The following RYR2 variants were observed in gnomAD, a reference collection of about 807,000 sequenced individuals.
RYR2 encodes the protein cardiac muscle ryanodine receptor-calcium release channel.
Under a neutral mutation model 601.1 loss-of-function variants are expected in RYR2, and 227 were observed. The ratio of observed to expected loss-of-function variants is 0.38; its 90% CI spans 0.34 to 0.42. The LOEUF (loss-of-function observed/expected upper bound fraction) is 0.42, where lower values mean the gene tolerates loss of function less well. Ranked by LOEUF, RYR2 falls within the 10% of genes least tolerant of loss-of-function variation. The probability of loss-of-function intolerance (pLI) is 1.00; values close to 1 mark genes in which losing one functional copy is unlikely to be tolerated. For synonymous variants in RYR2, 2,223 were observed against 2,175.1 expected, an observed-to-expected ratio of 1.02 and a Z score of -0.61; for missense variants, 4,646 against 6,156.5, an observed-to-expected ratio of 0.75 and a Z score of 8.21.
intron 1 of RYR2, among the ~76,000 whole-genome samples, chr1:237,228,013 G>A (rs754429319): frequency 6.6e-6 from 1 of 151,508 alleles, no homozygotes; most frequent in Non-Finnish European, 1.5e-5. Flanking sequence ...GGAACATGTG[G>A]TATTTGGTTA....
intron 87 of RYR2, among the ~76,000 whole-genome samples, chr1:237,778,410 T>A (rs374205581): frequency 7.5e-6 from 1 of 133,394 alleles, no homozygotes; most frequent in South Asian, 2.4e-4. Flanking sequence ...AAAAAAAAAA[T>A]GATTCACAGA....
chr1:237,081,275 T>C (rs1308407139), intron 1 of RYR2, among the ~76,000 whole-genome samples: 1 of 46,814 alleles, frequency 2.1e-5, no homozygotes, highest in Non-Finnish European at 5.1e-5. Flanking sequence ...AAACTTAGAG[T>C]ATAATAAAAA....
intron 2 of RYR2, among the ~76,000 whole-genome samples, chr1:237,272,665 G>C (rs923753953): frequency 2.0e-5 from 3 of 150,134 alleles, no homozygotes; most frequent in Non-Finnish European, 4.4e-5. Context: ...ATAAGAAGCA[G>C]AATAATATCT....
intron 16 of RYR2, among the ~76,000 whole-genome samples, chr1:237,465,420 C>T (rs1400428124): frequency 6.6e-6 from 1 of 151,916 alleles, no homozygotes; most frequent in African/African-American, 2.4e-5. Context: ...GTGATGTGTG[C>T]TTTGATATCA....
chr1:237,611,032 G>GATTA (rs1677802746), intron 36 of RYR2, 44 bp downstream of exon 36: 1 of 1,549,470 alleles, frequency 6.5e-7, no homozygotes. Context: ...GGACGCTTGG[G>GATTA]ATTAGCCTGC....
At chr1:237,615,652 A>G (rs1453363929) in intron 37 of RYR2, among the ~76,000 whole-genome samples, 2 of 152,110 alleles carry the variant, frequency 1.3e-5, no homozygotes, top group Non-Finnish European at 2.9e-5. Flanking sequence ...GTCAGCGTTG[A>G]CTGAAGCCTT....
At chr1:237,704,953 A>G (rs946543103) in intron 66 of RYR2, among the ~76,000 whole-genome samples, 4 of 152,214 alleles carry the variant, frequency 2.6e-5, no homozygotes, top group Admixed American at 2.0e-4. Flanking sequence ...TTAATGAAAT[A>G]AAAGGACTAG....
At chr1:237,485,380 A>G (rs1452456171) in intron 17 of RYR2, among the ~76,000 whole-genome samples, 3 of 152,218 alleles carry the variant, frequency 2.0e-5, no homozygotes, top group Middle Eastern at 3.2e-3. Flanking sequence ...GCTGGGTGAC[A>G]AGGAGGCAAA....
chr1:237,825,296 G>C (rs1205954531), intron 101 of RYR2, among the ~76,000 whole-genome samples: 5 of 152,258 alleles, frequency 3.3e-5, no homozygotes, highest in African/African-American at 1.2e-4. Flanking sequence ...AAAAGAGTAT[G>C]GTATTGGTAT....
intron 97 of RYR2, among the ~76,000 whole-genome samples, chr1:237,798,799 C>T (rs1027071166): frequency 3.4e-5 from 4 of 119,136 alleles, no homozygotes; most frequent in African/African-American, 1.3e-4. Context: ...CACACACACA[C>T]ACATATAGTG....
chr1:237,505,611 T>C (rs755447233), intron 22 of RYR2, among the ~76,000 whole-genome samples: 1 of 152,216 alleles, frequency 6.6e-6, no homozygotes, highest in Admixed American at 6.5e-5. Context: ...AAAAAAGATT[T>C]GGGAGACTAG....
At chr1:237,420,715 T>C (rs866325879) in intron 11 of RYR2, among the ~76,000 whole-genome samples, 1 of 152,196 alleles carries the variant, frequency 6.6e-6, no homozygotes, top group Non-Finnish European at 1.5e-5. Context: ...TTCTATTGAA[T>C]AGAACTGAGC....
At chr1:237,787,907 T>C (rs1657851207) in intron 91 of RYR2, 81 bp from the exon 92 acceptor site, 1 of 1,312,618 alleles carries the variant, frequency 7.6e-7, no homozygotes, top group Non-Finnish European at 1.1e-6. Context: ...AAAATATTTG[T>C]TCACTTGGGT....
rs1331034958 is a variant in RYR2, at chr1:237,042,509, G to A, written c.-13G>A. 9 of 1,251,080 alleles carry A rather than the reference G, an allele frequency of 7.2e-6. No individual in the cohort carries two copies. The South Asian group carries it at 1.6e-4, about 23-fold the overall frequency. 77.5% of individuals were successfully genotyped at this position (1,251,080 alleles called of 1,614,324 possible). A position where few individuals can be genotyped will look rare whatever the true frequency, so the allele number is the denominator to read the frequency against. On this transcript the variant is annotated 5_prime_UTR_variant, in exon 1 of 105. Coordinates refer to ENST00000366574, the MANE Select transcript of RYR2 (RefSeq NM_001035.3). ...GGGCTCGGGAGCCGGCCCCGGCGAG[G>A]AGGCGCGGAACCATGGCCGATGGGG... is the stretch of plus-strand genomic sequence containing the variant.
At chr1:237,652,630 A>G (rs1682875137) in intron 51 of RYR2, among the ~76,000 whole-genome samples, 1 of 152,246 alleles carries the variant, frequency 6.6e-6, no homozygotes. Context: ...TTAGTGAATT[A>G]GGTAAAATAA....
At chr1:237,663,826 A>G (rs917227353) in intron 56 of RYR2, among the ~76,000 whole-genome samples, 11 of 152,316 alleles carry the variant, frequency 7.2e-5, no homozygotes, top group Admixed American at 4.6e-4. Context: ...ATTTCAGGAA[A>G]TTTACTGTCC....
rs751382226 is a variant in RYR2, at chr1:237,550,546, C to T, written c.3069C>T (p.Asp1023=). 1.9e-5 allele frequency: 31 copies of T among 1,608,606 alleles called. No individual in the cohort carries two copies. Among genetic ancestry groups the T allele is most frequent in the East Asian group, 1.1e-4 (5 of 44,726 alleles). Reference sequence around the variant, plus strand: ...CTGCACCCTGTGTTTTCCTGCAGGACGTAAAGAACAGAAGAAATCCTCGCC... The same window carrying T: ...CTGCACCCTGTGTTTTCCTGCAGGATGTAAAGAACAGAAGAAATCCTCGCC... ...RQGWTYGIQQ[D]VKNRRNPRLV... is the part of the protein sequence containing the mutation. Residue 1023 remains aspartate, a splice_region_variant and synonymous_variant, in exon 27 of 105, where the codon GAC becomes GAT. Coordinates refer to ENST00000366574, the MANE Select transcript of RYR2 (RefSeq NM_001035.3).
chr1:237,121,091 A>ACG (rs1670725221), intron 1 of RYR2: 2 of 152,168 alleles, frequency 1.3e-5, no homozygotes, highest in Admixed American at 6.6e-5. Flanking sequence ...TAGTGAGACC[A>ACG]CTGTAGGTGG....
intron 80 of RYR2, among the ~76,000 whole-genome samples, chr1:237,753,921 G>GTTT (rs200314485): frequency 7.2e-5 from 10 of 138,440 alleles, no homozygotes; most frequent in African/African-American, 2.6e-4. Flanking sequence ...AGCTTTCAGA[G>GTTT]TTTTTTTTTT....
Sources: gnomAD v4.1 joint callset for allele counts (sites outside exome capture counted in the v4.1 genomes callset) on GRCh38, gnomAD v4.1.1 for gene constraint, MANE v1.5 for transcripts, NCBI Gene and HGNC (gene_info 2026-07-23, HGNC 2026-07-21) for gene names.